The following GRK4 variants were observed in gnomAD, a reference collection of about 807,000 sequenced individuals.
GRK4 encodes G protein-coupled receptor kinase 4.
In GRK4, 73 loss-of-function variants were observed where a neutral mutation model predicts 77.9. The observed-to-expected ratio is 0.94, with a 90% CI of 0.78 to 1.14. GRK4 has a LOEUF of 1.14. Among genes scored for constraint, GRK4 ranks in the 50% most tolerant of loss-of-function variants. The probability of loss-of-function intolerance (pLI) is 0.00; values close to 1 mark genes in which losing one functional copy is unlikely to be tolerated. For synonymous variants in GRK4, 257 were observed against 254.4 expected (o/e 1.01, Z -0.10); for missense variants, 729 against 700.2 (o/e 1.04, Z -0.46).
At chr4:3,020,662 A>C (rs914438902) in intron 9 of GRK4, among the ~76,000 whole-genome samples, 2 of 152,116 alleles carry the variant, frequency 1.3e-5, no homozygotes, top group Non-Finnish European at 2.9e-5. Context: ...CTCCCTGGGT[A>C]ATTTCATTTC....
rs1248613266 is a variant in GRK4 at position 3,021,256 on chromosome 4, G to T, written c.933-1158G>T. 2.6e-5 allele frequency among the ~76,000 whole-genome samples: 4 copies of T among 152,114 alleles called. No homozygotes were observed. The East Asian group carries it at 7.7e-4, about 29-fold the overall frequency. ...TTGCACAAGGTGTTCCTGTGTGGGT[G>T]CCACTCTCCACCCAGCCCCTCTTCC... On this transcript the variant is annotated intron_variant, in intron 9 of 15. Transcript: ENST00000398052.
intron 4 of GRK4, among the ~76,000 whole-genome samples, chr4:2,997,999 TA>T (rs1259522205): frequency 6.6e-6 from 1 of 151,932 alleles, no homozygotes; most frequent in African/African-American, 2.4e-5. Flanking sequence ...TCTGTTCAAC[TA>T]GGGTCAACTG....
At chr4:2,970,893 A>T (rs1291126892) in intron 1 of GRK4, 2 of 151,742 alleles carry the variant, frequency 1.3e-5, no homozygotes, top group Non-Finnish European at 2.9e-5. Flanking sequence ...GATGGTCTCG[A>T]TCTCCTGACC....
chr4:2,976,631 C>CTTT (rs769469513), intron 1 of GRK4, among the ~76,000 whole-genome samples: 24 of 117,334 alleles, frequency 2.0e-4, no homozygotes, highest in African/African-American at 2.6e-4. Context: ...TTCTTTCTTT[C>CTTT]TTTTTTTTTT....
intron 15 of GRK4, 195 bp downstream of exon 15, chr4:3,038,708 G>A (rs765232113): frequency 5.2e-6 from 3 of 573,010 alleles, no homozygotes; most frequent in Non-Finnish European, 9.2e-6. Flanking sequence ...GAGGTTTGTT[G>A]CTGGGATGAA....
intron 1 of GRK4, among the ~76,000 whole-genome samples, chr4:2,967,199 ACATTT>A (rs113525903): frequency 2.0e-5 from 3 of 152,228 alleles, no homozygotes; most frequent in African/African-American, 7.2e-5. Context: ...TGTGAGAAAT[ACATTT>A]CTGCAATTTA....
chr4:3,027,934 C>G lies in GRK4; in HGVS notation c.993C>G (p.Leu331=), dbSNP rs373874952. The G allele has an allele frequency of 6.2e-7, 1 of 1,613,892 alleles. No homozygotes were observed. Among genetic ancestry groups the G allele is most frequent in the Non-Finnish European group, 8.5e-7 (1 of 1,179,996 alleles). The change falls in exon 11 of 16, where the codon CTC becomes CTG. Residue 331 remains leucine (L), a synonymous_variant. Transcript: ENST00000398052. ...DDRGHIRISD[L]GLATEIPEGQ... is the part of the protein sequence containing the mutation. ...CAGGACACATCCGGATTTCAGACCT[C>G]GGTTTGGCCACAGAGATCCCAGAAG...
At chr4:2,988,576 A>AAACAAAT in intron 2 of GRK4, 151 bp from the exon 3 acceptor site, 2 of 500,056 alleles carry the variant, frequency 4.0e-6, no homozygotes, top group Non-Finnish European at 7.5e-6. Context: ...TGTCTGAAAC[A>AAACAAAT]AACAACAACA....
chr4:3,020,530 GA>G (rs1466119526), intron 9 of GRK4, among the ~76,000 whole-genome samples: 3 of 152,152 alleles, frequency 2.0e-5, no homozygotes, highest in African/African-American at 7.2e-5. Flanking sequence ...ATTTAGTAAA[GA>G]AAATTAAATT....
At chr4:3,031,899 A>C (rs1201418136) in intron 12 of GRK4, among the ~76,000 whole-genome samples, 1 of 152,114 alleles carries the variant, frequency 6.6e-6, no homozygotes, top group Non-Finnish European at 1.5e-5. Context: ...GTGCCTGGGT[A>C]ACTGACATGG....
intron 4 of GRK4, among the ~76,000 whole-genome samples, chr4:2,994,950 T>C (rs764169649): frequency 1.3e-4 from 20 of 152,140 alleles, no homozygotes; most frequent in Non-Finnish European, 2.1e-4. Flanking sequence ...CATCCTCCAA[T>C]AGGCCCCATT....
At chr4:2,989,998 A>T (rs916353437) in intron 3 of GRK4, among the ~76,000 whole-genome samples, 1 of 152,156 alleles carries the variant, frequency 6.6e-6, no homozygotes, top group Non-Finnish European at 1.5e-5. Context: ...TCTTAATTGT[A>T]TCGGCAAATA....
At chr4:3,024,632 G>A (rs1434841319) in intron 10 of GRK4, among the ~76,000 whole-genome samples, 1 of 152,158 alleles carries the variant, frequency 6.6e-6, no homozygotes, top group Non-Finnish European at 1.5e-5. Flanking sequence ...GGCTGAGGCA[G>A]GTGGATCACT....
chr4:3,021,942 A>T (rs925728427), intron 9 of GRK4, among the ~76,000 whole-genome samples: 2 of 152,204 alleles, frequency 1.3e-5, no homozygotes, highest in Non-Finnish European at 2.9e-5. Context: ...AGTAGGTATC[A>T]CTAAGCATTT....
At chr4:2,973,986 G>C (rs2109434839) in intron 1 of GRK4, among the ~76,000 whole-genome samples, 1 of 152,194 alleles carries the variant, frequency 6.6e-6, no homozygotes, top group South Asian at 2.1e-4. Context: ...CTCACCTGAG[G>C]AATTTCCTGA....
chr4:3,009,873 T>C (rs932061170), intron 7 of GRK4, among the ~76,000 whole-genome samples, 162 bp downstream of exon 7: 7 of 152,206 alleles, frequency 4.6e-5, no homozygotes, highest in Non-Finnish European at 8.8e-5. Flanking sequence ...ACATGGAATT[T>C]TGAGCAAAAG....
chr4:3,038,481 A>C lies in GRK4; in HGVS notation c.1651A>C (p.Arg551=), dbSNP rs1414819172. The C allele has an allele frequency of 3.7e-6, 6 of 1,614,082 alleles. No individual in the cohort carries two copies. In the East Asian group the frequency reaches 1.3e-4, roughly 36 times the overall value. ...NIHTPVSRPN[R]GFFYRLFRRG... ...ACATACCCCGGTTTCCAGACCAAAC[A>C]GAGGCTTCTTCTATAGACTCTTCAG... The change falls in exon 15 of 16, where the codon AGA becomes CGA. Residue 551 remains arginine (R), a synonymous_variant. Transcript: ENST00000398052.
rs539832460 is a variant in GRK4, at chr4:2,964,779, A to G, written c.52+657A>G. Among the ~76,000 whole-genome samples, 14 of 152,322 alleles carry G rather than the reference A, an allele frequency of 9.2e-5. No individual in the cohort carries two copies. In the South Asian group the frequency reaches 1.0e-3, roughly 11 times the overall value. On this transcript the variant is annotated intron_variant, in intron 1 of 15. Coordinates refer to ENST00000398052, the MANE Select transcript of GRK4 (RefSeq NM_182982.3). ...TTCACTCCAAGAAAAGAAAAAGCCAAGGCCCAGAATGTGGCAAGGCAAGGG... is the reference window on the plus strand; with the variant it reads ...TTCACTCCAAGAAAAGAAAAAGCCAGGGCCCAGAATGTGGCAAGGCAAGGG...
At position 2,974,088 on chromosome 4, in the gene GRK4, G is replaced by A. The variant is rs145215350; in HGVS notation, c.52+9966G>A. ...TGGCCTCGGACTCCCGGGCTCAAGC[G>A]AGCCCACCTAAGCCTCCCCAGTAGC... On this transcript the variant is annotated intron_variant, in intron 1 of 15. Coordinates refer to ENST00000398052, the MANE Select transcript of GRK4 (RefSeq NM_182982.3). Among the ~76,000 whole-genome samples the A allele has an allele frequency of 4.8e-3, 732 of 152,150 alleles. 8 individuals carry two copies. The highest frequency in any genetic ancestry group is 0.016 in the African/African-American group (677 of 41,502).
Sources: allele counts gnomAD v4.1 joint callset (sites outside exome capture counted in the v4.1 genomes callset), GRCh38; gene constraint gnomAD v4.1.1; transcripts MANE v1.5; gene names NCBI Gene and HGNC (gene_info 2026-07-23, HGNC 2026-07-21).